The following ATXN3 variants were observed in gnomAD, a reference collection of about 807,000 sequenced individuals.
The protein encoded by ATXN3 is ataxin-3.
In ATXN3, 28 loss-of-function variants were observed where a neutral mutation model predicts 58.2. The ratio of observed to expected loss-of-function variants is 0.48; its 90% CI spans 0.36 to 0.66. ATXN3 has a LOEUF of 0.66. ATXN3 is among the 30% of genes least tolerant of loss of function. The pLI, the probability that ATXN3 is intolerant of heterozygous loss-of-function variation, is 0.00. For missense variants in ATXN3, 321 were observed against 422.1 expected, an observed-to-expected ratio of 0.76 and a Z score of 2.10; for synonymous variants, 113 against 138.5, an observed-to-expected ratio of 0.82 and a Z score of 1.29.
Position 92,096,785 on chromosome 14 carries a change from T to G in ATXN3, c.78A>C (p.Glu26Asp). ...QHCLNNLLQG[E>D]YFSPVELSSI... is the part of the protein sequence containing the mutation. ...AGGATAATTCCACAGGGCTAAAATATTCTCCTTGCAATAAGTTATTCAGGC... is the reference window on the plus strand; with the variant it reads ...AGGATAATTCCACAGGGCTAAAATAGTCTCCTTGCAATAAGTTATTCAGGC... Residue 26 changes from glutamate (E) to aspartate (D), a missense_variant, in exon 2 of 11, where the codon GAA (glutamate) becomes GAC (aspartate). This residue lies in a region of ATXN3 where 121 missense variants were observed against 198.9 expected (regional missense o/e 0.61). Transcript: ENST00000644486. 1 of 1,614,072 alleles carries G rather than the reference T, an allele frequency of 6.2e-7. No homozygotes were observed. Among genetic ancestry groups the G allele is most frequent in the Non-Finnish European group, 8.5e-7 (1 of 1,179,946 alleles).
chr14:92,049,269 G>A (rs2057439770), intron 1 of ATXN3, among the ~76,000 whole-genome samples: 1 of 152,142 alleles, frequency 6.6e-6, no homozygotes, highest in Admixed American at 6.5e-5. Flanking sequence ...CGGAGAAGGG[G>A]GTGGGTGAGC....
downstream of ATXN3, among the ~76,000 whole-genome samples, chr14:92,057,242 C>T (rs1356665672): frequency 6.6e-6 from 1 of 152,122 alleles, no homozygotes; most frequent in African/African-American, 2.4e-5. Flanking sequence ...ATGGTGAAAC[C>T]GCATCTCTAC....
At chr14:92,106,091 G>C (rs1313157198) in intron 1 of ATXN3, among the ~76,000 whole-genome samples, 3 of 152,120 alleles carry the variant, frequency 2.0e-5, no homozygotes, top group African/African-American at 7.2e-5. Flanking sequence ...GAGCAGTCCG[G>C]AGGAGGAAAA....
chr14:92,051,641 T>G (rs2057448043), upstream of ATXN3, among the ~76,000 whole-genome samples: 1 of 149,920 alleles, frequency 6.7e-6, no homozygotes, highest in African/African-American at 2.4e-5. Flanking sequence ...TATTTTAATT[T>G]TTTTTTTTTT....
chr14:92,067,780 G>T (rs954571308), intron 10 of ATXN3, among the ~76,000 whole-genome samples: 1 of 152,092 alleles, frequency 6.6e-6, no homozygotes, highest in African/African-American at 2.4e-5. Context: ...AATTTAGCAA[G>T]CCTCCACTGA....
At chr14:92,094,482 A>T (rs1411374886) in intron 3 of ATXN3, among the ~76,000 whole-genome samples, 1 of 152,190 alleles carries the variant, frequency 6.6e-6, no homozygotes, top group Non-Finnish European at 1.5e-5. Flanking sequence ...CTTTAGAAAA[A>T]TTATATTCAA....
intron 9 of ATXN3, among the ~76,000 whole-genome samples, chr14:92,075,170 T>G (rs1228169469): frequency 2.7e-5 from 4 of 147,392 alleles, no homozygotes; most frequent in East Asian, 3.9e-4. Context: ...TTTTTTTTTT[T>G]TTTTTTTTTT....
intron 10 of ATXN3, among the ~76,000 whole-genome samples, chr14:92,064,841 AT>A (rs1390858440): frequency 6.6e-6 from 1 of 152,182 alleles, no homozygotes; most frequent in East Asian, 1.9e-4. Flanking sequence ...CCAACTTTCT[AT>A]TTTGAAAAAC....
intron 9 of ATXN3, among the ~76,000 whole-genome samples, chr14:92,078,511 G>A (rs1595704689): frequency 1.3e-5 from 2 of 151,824 alleles, no homozygotes; most frequent in East Asian, 3.9e-4. Context: ...ACAAGCATGC[G>A]CCACCACGCC....
At position 92,058,911 on chromosome 14, in the gene ATXN3, A is replaced by G; in HGVS notation, c.*5409T>C. ...AATAGCCCAGTGTTGTAAAAATTAGATAATCACATTTAAAAATGTATGTTT... is the reference window on the plus strand; with the variant it reads ...AATAGCCCAGTGTTGTAAAAATTAGGTAATCACATTTAAAAATGTATGTTT... On this transcript the variant is annotated 3_prime_UTR_variant, in exon 11 of 11. Transcript: ENST00000644486. 6.6e-6 allele frequency: 1 copy of G among 152,046 alleles called. No homozygotes were observed. Among genetic ancestry groups the G allele is most frequent in the African/African-American group, 2.4e-5 (1 of 41,352 alleles). 9.4% of individuals were successfully genotyped at this position (152,046 alleles called of 1,614,324 possible).
At chr14:92,093,400 T>G (rs1413619559) in intron 4 of ATXN3, 82 bp from the exon 5 acceptor site, 1 of 746,516 alleles carries the variant, frequency 1.3e-6, no homozygotes, top group East Asian at 2.9e-5. Flanking sequence ...ATATAAAATT[T>G]GTGATAATTT....
intron 10 of ATXN3, among the ~76,000 whole-genome samples, chr14:92,067,082 C>T (rs1595507666): frequency 6.6e-6 from 1 of 151,648 alleles, no homozygotes; most frequent in Admixed American, 6.6e-5. Flanking sequence ...GAGTTTTTGT[C>T]TTTCAGCACT....
Position 92,104,250 on chromosome 14 carries a change from C to T in ATXN3, c.24+2279G>A, listed in dbSNP as rs1047806316. On this transcript the variant is annotated intron_variant, in intron 1 of 10. Coordinates refer to ENST00000644486, the MANE Select transcript of ATXN3 (RefSeq NM_004993.6). ...CTGCCTCTCGGGTTCAAGCAATTCT[C>T]CTGCCTCAGCCTCCAGAGTACCTGG... Among the ~76,000 whole-genome samples, 7 of 152,308 alleles carry T rather than the reference C, an allele frequency of 4.6e-5. No homozygotes were observed. The East Asian group carries it at 1.2e-3, about 25-fold the overall frequency.
In ATXN3 at chr14:92,064,336, G is replaced by A; in HGVS notation, c.1070C>T (p.Thr357Ile). ...TTAAAGGTATTATTTTTTTCCTTCT[G>A]TTTTCAAATCATTTCTGACAGTTTC... is the stretch of plus-strand genomic sequence containing the variant. ...SLETVRNDLK[T>I]EGKK The change falls in exon 11 of 11, where the codon ACA becomes ATA. Residue 357 changes from threonine (T) to isoleucine (I), a missense_variant. Thr to Ile is a moderately conservative substitution (Grantham distance 89, BLOSUM62 -1). Transcript: ENST00000644486. 5.6e-6 allele frequency: 9 copies of A among 1,608,904 alleles called. No individual in the cohort carries two copies. Among genetic ancestry groups the A allele is most frequent in the South Asian group, 1.1e-5 (1 of 90,720 alleles).
chr14:92,083,577 T>C (rs2061853195), intron 6 of ATXN3: 2 of 432,192 alleles, frequency 4.6e-6, no homozygotes, highest in African/African-American at 4.1e-5. Flanking sequence ...TCACTTACTG[T>C]TGTCAGAGTG....
At chr14:92,105,006 C>T (rs1051880850) in intron 1 of ATXN3, among the ~76,000 whole-genome samples, 1 of 151,806 alleles carries the variant, frequency 6.6e-6, no homozygotes. Context: ...CTATGATTTA[C>T]GAGTCATGTC....
At chr14:92,069,751 C>G (rs1299404877) in intron 10 of ATXN3, among the ~76,000 whole-genome samples, 3 of 152,208 alleles carry the variant, frequency 2.0e-5, no homozygotes, top group East Asian at 3.8e-4. Flanking sequence ...ATTGGGACTG[C>G]TGGATCACAT....
intron 10 of ATXN3, among the ~76,000 whole-genome samples, chr14:92,065,902 G>T (rs1595485075): frequency 7.6e-6 from 1 of 132,058 alleles, no homozygotes; most frequent in South Asian, 2.6e-4. Flanking sequence ...TAATAATAAT[G>T]ATCTTCCAAA....
In ATXN3 at chr14:92,059,688, G is replaced by C. The variant is rs1394338009; in HGVS notation, c.*4632C>G. 1 of 151,742 alleles carries C rather than the reference G, an allele frequency of 6.6e-6. No homozygotes were observed. Among genetic ancestry groups the C allele is most frequent in the African/African-American group, 2.4e-5 (1 of 41,318 alleles). 9.4% of individuals were successfully genotyped at this position (151,742 alleles called of 1,614,324 possible). On this transcript the variant is annotated 3_prime_UTR_variant, in exon 11 of 11. Coordinates refer to ENST00000644486, the MANE Select transcript of ATXN3 (RefSeq NM_004993.6). The stretch of plus-strand genomic sequence containing the variant: ...CAAATATTCGCCAGGTGTAGTGGCA[G>C]GTGCCTGTAATCCCAGGTACTTGGG...
Sources: gnomAD v4.1 joint callset for allele counts (sites outside exome capture counted in the v4.1 genomes callset) on GRCh38, gnomAD v4.1.1 for gene constraint, gnomAD v4.1.1 regional missense constraint, MANE v1.5 for transcripts, NCBI Gene and HGNC (gene_info 2026-07-23, HGNC 2026-07-21) for gene names.